The following CHST8 variants were observed in gnomAD, a reference collection of about 807,000 sequenced individuals.
The protein encoded by CHST8 is GALNAC-4-ST1.
In CHST8, 10 loss-of-function variants were observed where a neutral mutation model predicts 15.0. That is an observed-to-expected ratio of 0.67 (90% confidence interval 0.41 to 1.13). The LOEUF is 1.13. Among genes scored for constraint, CHST8 ranks in the 50% most tolerant of loss-of-function variants. The pLI, the probability that CHST8 is intolerant of heterozygous loss-of-function variation, is 0.00. For missense variants in CHST8, 634 were observed against 608.2 expected, an observed-to-expected ratio of 1.04 and a Z score of -0.45; for synonymous variants, 259 against 256.6, an observed-to-expected ratio of 1.01 and a Z score of -0.09.
chr19:33,768,170 T>C (rs1974889837), intron 3 of CHST8, among the ~76,000 whole-genome samples: 1 of 152,192 alleles, frequency 6.6e-6, no homozygotes, highest in Non-Finnish European at 1.5e-5. Flanking sequence ...TGCTTCAGCC[T>C]TTATCTGACT....
chr19:33,657,983 CTT>C (rs1458949268), intron 1 of CHST8, among the ~76,000 whole-genome samples: 3 of 152,184 alleles, frequency 2.0e-5, no homozygotes, highest in Non-Finnish European at 4.4e-5. Context: ...AGCATTCTCT[CTT>C]GTCTTCCTTA....
intron 1 of CHST8, among the ~76,000 whole-genome samples, chr19:33,651,443 T>C (rs1972447080): frequency 6.6e-6 from 1 of 152,176 alleles, no homozygotes; most frequent in Non-Finnish European, 1.5e-5. Context: ...ATGTATTTAA[T>C]CTATAGACAT....
chr19:33,677,161 G>C (rs112884186), intron 2 of CHST8, among the ~76,000 whole-genome samples: 2,068 of 76,206 alleles, frequency 0.027, 24 homozygotes, highest in African/African-American at 0.1. Flanking sequence ...CAGCCGGCAG[G>C]GGGGGGCACT....
chr19:33,720,968 T>A (rs940934597), intron 3 of CHST8, among the ~76,000 whole-genome samples: 1 of 152,250 alleles, frequency 6.6e-6, no homozygotes, highest in Admixed American at 6.5e-5. Context: ...CCAGGGTGGC[T>A]ACAGTTTGAT....
chr19:33,759,944 C>T (rs941786684), intron 3 of CHST8, among the ~76,000 whole-genome samples: 2 of 152,228 alleles, frequency 1.3e-5, no homozygotes, highest in Middle Eastern at 3.4e-3. Flanking sequence ...GGCTGCTCCC[C>T]GCTCCCACCC....
At chr19:33,664,643 T>C (rs1013396748) in intron 1 of CHST8, among the ~76,000 whole-genome samples, 1 of 151,984 alleles carries the variant, frequency 6.6e-6, no homozygotes, top group African/African-American at 2.4e-5. Flanking sequence ...ATTTGACAGA[T>C]GATTTAAAAA....
At chr19:33,739,329 A>T (rs1475261712) in intron 3 of CHST8, among the ~76,000 whole-genome samples, 2 of 152,006 alleles carry the variant, frequency 1.3e-5, no homozygotes, top group Admixed American at 1.3e-4. Flanking sequence ...CCAGCACAAC[A>T]TCCCCTGCCC....
intron 1 of CHST8, among the ~76,000 whole-genome samples, chr19:33,665,493 T>C (rs12462965): frequency 0.31 from 47,713 of 151,964 alleles, 8,768 homozygotes; most frequent in African/African-American, 0.49. Flanking sequence ...GTGTGGTCCA[T>C]GGGCCACAGT....
chr19:33,748,348 A>C (rs534459169), intron 3 of CHST8, among the ~76,000 whole-genome samples: 65 of 152,358 alleles, frequency 4.3e-4, no homozygotes, highest in African/African-American at 1.4e-3. Context: ...TGAGAAGTGG[A>C]GACACAGCTT....
At chr19:33,718,880 G>T (rs1973721099) in intron 3 of CHST8, among the ~76,000 whole-genome samples, 2 of 152,196 alleles carry the variant, frequency 1.3e-5, no homozygotes, top group Non-Finnish European at 2.9e-5. Flanking sequence ...TGTGGGCGGG[G>T]CCTGTGCATC....
chr19:33,638,026 T>G (rs758291507), intron 1 of CHST8, among the ~76,000 whole-genome samples: 3 of 151,932 alleles, frequency 2.0e-5, no homozygotes, highest in Non-Finnish European at 4.4e-5. Flanking sequence ...GAGATAGATT[T>G]CTTGCTCTCA....
intron 3 of CHST8, among the ~76,000 whole-genome samples, chr19:33,697,636 C>A (rs1293584452): frequency 6.6e-6 from 1 of 152,242 alleles, no homozygotes; most frequent in Admixed American, 6.5e-5. Flanking sequence ...GGCCACGCAG[C>A]TTCTGGGCTT....
chr19:33,659,146 G>A (rs1452694005), intron 1 of CHST8, among the ~76,000 whole-genome samples: 1 of 135,742 alleles, frequency 7.4e-6, no homozygotes, highest in Non-Finnish European at 1.5e-5. Context: ...GCTCACTGTA[G>A]CCTCCGCCTC....
intron 3 of CHST8, among the ~76,000 whole-genome samples, chr19:33,722,067 A>AGATGGATG (rs142959239): frequency 1.7e-3 from 124 of 73,612 alleles, no homozygotes; most frequent in African/African-American, 2.7e-3. Context: ...CTGATGGATG[A>AGATGGATG]GATGGATGGA....
chr19:33,640,384 T>C (rs982504609), intron 1 of CHST8, among the ~76,000 whole-genome samples: 6 of 152,200 alleles, frequency 3.9e-5, no homozygotes, highest in African/African-American at 1.2e-4. Context: ...CCATGGCTCC[T>C]TTGGGTGGCT....
intron 1 of CHST8, among the ~76,000 whole-genome samples, chr19:33,650,210 G>A (rs1386172930): frequency 6.6e-6 from 1 of 152,108 alleles, no homozygotes; most frequent in African/African-American, 2.4e-5. Context: ...AGAGGTGTGT[G>A]TCCAACCTCC....
intron 3 of CHST8, among the ~76,000 whole-genome samples, chr19:33,764,912 G>A (rs978217560): frequency 2.6e-5 from 4 of 151,854 alleles, no homozygotes; most frequent in Admixed American, 1.3e-4. Flanking sequence ...TCATAGCTCA[G>A]CTCCCACTTA....
At chr19:33,735,874 A>G (rs1359405936) in intron 3 of CHST8, among the ~76,000 whole-genome samples, 1 of 152,240 alleles carries the variant, frequency 6.6e-6, no homozygotes, top group Non-Finnish European at 1.5e-5. Flanking sequence ...TTTTACCAGA[A>G]GGCTTGCTCA....
At chr19:33,644,363 C>T (rs1424516195) in intron 1 of CHST8, among the ~76,000 whole-genome samples, 6 of 152,082 alleles carry the variant, frequency 3.9e-5, no homozygotes, top group Admixed American at 3.3e-4. Context: ...TACAGCAGGA[C>T]GTGAAGCAGA....
Sources: gnomAD v4.1 joint callset for allele counts (sites outside exome capture counted in the v4.1 genomes callset) on GRCh38, gnomAD v4.1.1 for gene constraint, MANE v1.5 for transcripts, NCBI Gene and HGNC (gene_info 2026-07-23, HGNC 2026-07-21) for gene names.